The following NAALADL2 variants were observed in gnomAD, a reference collection of about 807,000 sequenced individuals.
NAALADL2 encodes the protein N-acetylated alpha-linked acidic dipeptidase like 2.
Under a neutral mutation model 87.2 loss-of-function variants are expected in NAALADL2, and 76 were observed. The ratio of observed to expected loss-of-function variants is 0.87; its 90% CI spans 0.72 to 1.05. The LOEUF (loss-of-function observed/expected upper bound fraction) is 1.05. NAALADL2 is among the 50% of genes least tolerant of loss of function. The pLI is 0.00. For missense variants in NAALADL2, 1,089 were observed against 945.8 expected (o/e 1.15, Z -1.99); for synonymous variants, 354 against 331.0 (o/e 1.07, Z -0.75).
At chr3:175,532,502 A>G (rs1481964883) in intron 9 of NAALADL2, among the ~76,000 whole-genome samples, 2 of 152,192 alleles carry the variant, frequency 1.3e-5, no homozygotes, top group African/African-American at 2.4e-5. Flanking sequence ...CTCTGTTTTT[A>G]TAATTCAAAT....
rs527963914 is a variant in NAALADL2 at position 175,044,919 on chromosome 3, C to T, written c.44-51871C>T. ...ATTCTAGTCACAGAGAGCGAAGGGG[C>T]GCAATTTCTGATTTTTTTTTTTTCA... On this transcript the variant is annotated intron_variant, in intron 1 of 13. Transcript: ENST00000454872. Among the ~76,000 whole-genome samples, 137 of 144,680 alleles carry T rather than the reference C, an allele frequency of 9.5e-4. 1 individual carries two copies. Among genetic ancestry groups the T allele is most frequent in the Admixed American group, 2.2e-3 (31 of 13,956 alleles). The allele number at this position is 144,680 out of a possible 152,430, so 94.9% of individuals were successfully genotyped here.
intron 1 of NAALADL2, among the ~76,000 whole-genome samples, chr3:174,898,924 T>C (rs569899433): frequency 6.6e-6 from 1 of 152,296 alleles, no homozygotes; most frequent in Non-Finnish European, 1.5e-5. Flanking sequence ...ACTTGAGTAG[T>C]AGTTGCATGG....
chr3:174,567,693 G>T (rs1049229067), intron 2 of NAALADL2, among the ~76,000 whole-genome samples: 2 of 151,580 alleles, frequency 1.3e-5, no homozygotes, highest in Non-Finnish European at 3.0e-5. Flanking sequence ...TCATAGGTCA[G>T]TTGTTTAGTG....
intron 3 of NAALADL2, among the ~76,000 whole-genome samples, chr3:175,247,492 A>G (rs1008298715): frequency 1.3e-5 from 2 of 152,180 alleles, no homozygotes; most frequent in African/African-American, 4.8e-5. Context: ...TAATGAGTCA[A>G]ATGAATCCGG....
intron 2 of NAALADL2, among the ~76,000 whole-genome samples, chr3:175,197,308 A>G (rs570109185): frequency 1.4e-4 from 21 of 152,018 alleles, no homozygotes; most frequent in Non-Finnish European, 2.4e-4. Flanking sequence ...TAATAAATTA[A>G]AACTTTTTAT....
chr3:174,995,303 A>G (rs532664002), intron 1 of NAALADL2, among the ~76,000 whole-genome samples: 19 of 152,186 alleles, frequency 1.2e-4, no homozygotes, highest in Non-Finnish European at 2.4e-4. Context: ...TCTTTCTCCA[A>G]TGCTGTAATG....
intron 1 of NAALADL2, among the ~76,000 whole-genome samples, chr3:174,874,781 G>A (rs1213191196): frequency 6.6e-6 from 1 of 151,988 alleles, no homozygotes; most frequent in African/African-American, 2.4e-5. Flanking sequence ...GTGATTATTT[G>A]ACTGCTGAAC....
intron 1 of NAALADL2, among the ~76,000 whole-genome samples, chr3:174,959,411 C>A (rs764974830): frequency 6.6e-6 from 1 of 151,994 alleles, no homozygotes. Context: ...CTGCCTGCTG[C>A]CCACAGGCTC....
chr3:175,576,265 C>A (rs1718877656), intron 10 of NAALADL2, 78 bp downstream of exon 10: 2 of 1,297,476 alleles, frequency 1.5e-6, no homozygotes, highest in African/African-American at 3.0e-5. Context: ...CCTGGCTATT[C>A]AATTTTCATA....
At chr3:175,694,138 G>A (rs1438013731) in intron 11 of NAALADL2, among the ~76,000 whole-genome samples, 1 of 152,046 alleles carries the variant, frequency 6.6e-6, no homozygotes, top group Non-Finnish European at 1.5e-5. Context: ...ATCAGCTATT[G>A]TCTCTACAAC....
intron 10 of NAALADL2, among the ~76,000 whole-genome samples, chr3:175,590,398 G>T (rs988678250): frequency 1.4e-5 from 2 of 147,638 alleles, no homozygotes; most frequent in Non-Finnish European, 3.0e-5. Context: ...AATAAATATA[G>T]TAACATAGCA....
chr3:175,548,162 CAAT>C (rs1713699867), intron 9 of NAALADL2, among the ~76,000 whole-genome samples: 1 of 152,042 alleles, frequency 6.6e-6, no homozygotes, highest in African/African-American at 2.4e-5. Flanking sequence ...AAATGCTCAA[CAAT>C]GAGAGACTGG....
intron 5 of NAALADL2, among the ~76,000 whole-genome samples, chr3:175,349,478 A>C (rs1157324399): frequency 6.6e-6 from 1 of 152,206 alleles, no homozygotes; most frequent in Non-Finnish European, 1.5e-5. Flanking sequence ...GAAAAGGCCC[A>C]TAGGCCATGT....
At chr3:175,047,544 A>G (rs1754834733) in intron 1 of NAALADL2, among the ~76,000 whole-genome samples, 1 of 152,200 alleles carries the variant, frequency 6.6e-6, no homozygotes, top group Non-Finnish European at 1.5e-5. Context: ...AAGTTGTAAC[A>G]TACATAGAAA....
intron 11 of NAALADL2, among the ~76,000 whole-genome samples, chr3:175,664,685 A>G (rs1271705727): frequency 6.6e-6 from 1 of 152,290 alleles, no homozygotes; most frequent in Non-Finnish European, 1.5e-5. Context: ...TGTTGAAAAT[A>G]TATTGAATTT....
rs574730565 is a variant in NAALADL2, at chr3:175,717,992, TTTG to T, written c.1897-19302_1897-19300del. Among the ~76,000 whole-genome samples the T allele has an allele frequency of 2.0e-3, 306 of 151,594 alleles. 3 individuals are homozygous for T. The highest frequency in any genetic ancestry group is 7.2e-3 in the African/African-American group (300 of 41,436). On this transcript the variant is annotated intron_variant, in intron 11 of 13. Coordinates refer to ENST00000454872, the MANE Select transcript of NAALADL2 (RefSeq NM_207015.3). ...ACCCAGCTAACTTTGCTTGTATTTTTTTGTTGTTGTTGTTATAGCACAACTTAT... is the reference window on the plus strand; with the variant it reads ...ACCCAGCTAACTTTGCTTGTATTTTTTTGTTGTTGTTATAGCACAACTTAT...
At position 174,918,309 on chromosome 3, in the gene NAALADL2, G is replaced by T. The variant is rs537326992; in HGVS notation, c.43+58859G>T. ...TAAAAAAATATATTTTGGAGTCAGT[G>T]TATCAGTGGGATATTAGCCCCTCTG... is the stretch of plus-strand genomic sequence containing the variant. On this transcript the variant is annotated intron_variant, in intron 1 of 13. Transcript: ENST00000454872. 2.0e-5 allele frequency among the ~76,000 whole-genome samples: 3 copies of T among 152,154 alleles called. No homozygotes were observed. In the East Asian group the frequency reaches 5.8e-4, roughly 29 times the overall value.
intron 3 of NAALADL2, among the ~76,000 whole-genome samples, chr3:174,852,929 G>C (rs978521479): frequency 3.3e-5 from 5 of 152,050 alleles, no homozygotes. Context: ...ACTGATTTTT[G>C]ACAAAGTTGC....
In NAALADL2 at chr3:175,685,545, T is replaced by C. The variant is rs757021569; in HGVS notation, c.1897-51761T>C. Among the ~76,000 whole-genome samples the C allele has an allele frequency of 9.3e-5, 14 of 150,290 alleles. No individual in the cohort carries two copies. The South Asian group carries it at 2.9e-3, about 32-fold the overall frequency. On this transcript the variant is annotated intron_variant, in intron 11 of 13. Coordinates refer to ENST00000454872, the MANE Select transcript of NAALADL2 (RefSeq NM_207015.3). ...TGATGGAGAGAAAAAGAGAGAGAGA[T>C]TTATTACAAGGAATTGGCTCACATG...
Sources: allele counts gnomAD v4.1 joint callset (sites outside exome capture counted in the v4.1 genomes callset), GRCh38; gene constraint gnomAD v4.1.1; transcripts MANE v1.5; gene names NCBI Gene and HGNC (gene_info 2026-07-23, HGNC 2026-07-21).